The following EPB41L5 variants were observed in gnomAD, a reference collection of about 807,000 sequenced individuals.
EPB41L5 encodes the protein erythrocyte membrane protein band 4.1 like 5, also known as band 4.1-like protein 5.
Under a neutral mutation model 106.6 loss-of-function variants are expected in EPB41L5, and 55 were observed. The observed-to-expected ratio is 0.52, with a 90% confidence interval of 0.42 to 0.65. EPB41L5 has a LOEUF of 0.65. Ranked by LOEUF, EPB41L5 falls within the 30% of genes least tolerant of loss-of-function variation. The probability of loss-of-function intolerance (pLI) is 0.00; values close to 1 mark genes in which losing one functional copy is unlikely to be tolerated. For synonymous variants in EPB41L5, 297 were observed against 306.7 expected (o/e 0.97, Z 0.33); for missense variants, 871 against 882.1 (o/e 0.99, Z 0.16).
chr2:120,071,583 A>G (rs770682448), intron 3 of EPB41L5, among the ~76,000 whole-genome samples: 2 of 152,192 alleles, frequency 1.3e-5, no homozygotes, highest in African/African-American at 2.4e-5. Context: ...AAACAGATAT[A>G]TAGACCTATG....
chr2:120,149,288 G>A (rs1361075770), intron 20 of EPB41L5, among the ~76,000 whole-genome samples: 3 of 152,080 alleles, frequency 2.0e-5, no homozygotes, highest in African/African-American at 4.8e-5. Flanking sequence ...AGTACATTCT[G>A]TATTTAGTAC....
intron 12 of EPB41L5, among the ~76,000 whole-genome samples, chr2:120,091,032 A>G (rs979780499): frequency 1.3e-5 from 2 of 152,176 alleles, no homozygotes; most frequent in South Asian, 2.1e-4. Context: ...GATTGTACCA[A>G]TAATGTGGCC....
At chr2:120,114,260 G>A (rs1684851785) in intron 16 of EPB41L5, among the ~76,000 whole-genome samples, 2 of 152,070 alleles carry the variant, frequency 1.3e-5, no homozygotes, top group African/African-American at 4.8e-5. Flanking sequence ...AGTATCTACA[G>A]ACAGTTTCCA....
At chr2:120,093,359 T>C in intron 14 of EPB41L5, 83 bp downstream of exon 14, 1 of 1,128,998 alleles carries the variant, frequency 8.9e-7, no homozygotes. Flanking sequence ...ATTTAAGACC[T>C]ATCAAAATGT....
intron 16 of EPB41L5, among the ~76,000 whole-genome samples, chr2:120,109,255 C>T (rs913659295): frequency 2.0e-5 from 3 of 152,178 alleles, no homozygotes; most frequent in Non-Finnish European, 4.4e-5. Context: ...ATTTTGACCA[C>T]TAAGCTCAAG....
At chr2:120,061,283 C>T (rs1416614812) in intron 3 of EPB41L5, among the ~76,000 whole-genome samples, 8 of 144,650 alleles carry the variant, frequency 5.5e-5, no homozygotes, top group Admixed American at 2.8e-4. Flanking sequence ...AGTGCAGTGG[C>T]GGGATCTCGG....
At chr2:120,067,666 A>C (rs1681536576) in intron 3 of EPB41L5, among the ~76,000 whole-genome samples, 1 of 152,222 alleles carries the variant, frequency 6.6e-6, no homozygotes, top group African/African-American at 2.4e-5. Context: ...TATTTAATAG[A>C]TAGAACCTTG....
intron 10 of EPB41L5, among the ~76,000 whole-genome samples, chr2:120,079,180 A>G (rs1682461076): frequency 1.3e-5 from 2 of 152,162 alleles, no homozygotes; most frequent in Admixed American, 1.3e-4. Flanking sequence ...CTAGGTGTTT[A>G]CTTTTGTACA....
At chr2:120,099,343 G>GT (rs1352044235) in intron 14 of EPB41L5, among the ~76,000 whole-genome samples, 1,199 of 38,496 alleles carry the variant, frequency 0.031, 7 homozygotes, top group South Asian at 0.14. Flanking sequence ...GTAGTTTCTG[G>GT]GTTTTTTTTT....
chr2:120,141,554 A>G (rs1010974133), intron 18 of EPB41L5, among the ~76,000 whole-genome samples: 3 of 152,130 alleles, frequency 2.0e-5, no homozygotes, highest in Non-Finnish European at 4.4e-5. Context: ...ATCAGCTGCC[A>G]AAGAGTTATG....
At chr2:120,133,796 G>A (rs1270093785) in intron 18 of EPB41L5, among the ~76,000 whole-genome samples, 1 of 152,192 alleles carries the variant, frequency 6.6e-6, no homozygotes, top group East Asian at 1.9e-4. Context: ...AGGAGTGCTT[G>A]CATCACCCTC....
intron 3 of EPB41L5, among the ~76,000 whole-genome samples, chr2:120,061,424 C>T (rs1426009792): frequency 6.6e-6 from 1 of 151,476 alleles, no homozygotes; most frequent in Non-Finnish European, 1.5e-5. Flanking sequence ...GGGGTTTCAC[C>T]GTTTTAGCCG....
chr2:120,081,511 G>A (rs1574618459), intron 10 of EPB41L5, among the ~76,000 whole-genome samples: 1 of 152,168 alleles, frequency 6.6e-6, no homozygotes, highest in East Asian at 1.9e-4. Flanking sequence ...GGTTACTGTA[G>A]CCTTGTAATA....
intron 2 of EPB41L5, among the ~76,000 whole-genome samples, chr2:120,032,889 T>A (rs980550769): frequency 6.6e-6 from 1 of 152,236 alleles, no homozygotes; most frequent in African/African-American, 2.4e-5. Flanking sequence ...AGGGCAAATA[T>A]AAGCATATTC....
intron 3 of EPB41L5, among the ~76,000 whole-genome samples, chr2:120,051,975 C>T (rs1193486567): frequency 2.0e-5 from 3 of 152,068 alleles, no homozygotes; most frequent in African/African-American, 7.2e-5. Flanking sequence ...TGCAGGTGCA[C>T]ACCACCGTGC....
At chr2:120,058,044 G>A (rs1680778502) in intron 3 of EPB41L5, among the ~76,000 whole-genome samples, 1 of 152,002 alleles carries the variant, frequency 6.6e-6, no homozygotes, top group Non-Finnish European at 1.5e-5. Flanking sequence ...AGGCAGGAGA[G>A]CAAAAGAAGG....
At chr2:120,086,743 A>G (rs1683082697) in intron 10 of EPB41L5, among the ~76,000 whole-genome samples, 1 of 152,180 alleles carries the variant, frequency 6.6e-6, no homozygotes, top group Non-Finnish European at 1.5e-5. Flanking sequence ...CCTATCTCAA[A>G]CAAACAAAAA....
At chr2:120,160,425 C>G (rs1374154025) in intron 20 of EPB41L5, 1 of 153,070 alleles carries the variant, frequency 6.5e-6, no homozygotes, top group Non-Finnish European at 1.5e-5. Flanking sequence ...TAGGTCAGTT[C>G]CATATTTTGA....
chr2:120,141,389 A>C (rs974765554), intron 18 of EPB41L5, among the ~76,000 whole-genome samples: 4 of 152,144 alleles, frequency 2.6e-5, no homozygotes, highest in Admixed American at 6.6e-5. Context: ...TTTGAAAGAC[A>C]AAATCAGGAT....
Sources: gnomAD v4.1 joint callset for allele counts (sites outside exome capture counted in the v4.1 genomes callset) on GRCh38, gnomAD v4.1.1 for gene constraint, MANE v1.5 for transcripts, NCBI Gene and HGNC (gene_info 2026-07-23, HGNC 2026-07-21) for gene names.